NAALADL2: variants seen among roughly 807,000 people sequenced by gnomAD.
NAALADL2 encodes inactive N-acetylated-alpha-linked acidic dipeptidase-like protein 2.
Under a neutral mutation model 87.2 loss-of-function variants are expected in NAALADL2, and 76 were observed. That is an observed-to-expected ratio of 0.87 (90% CI 0.72 to 1.05). The LOEUF is 1.05. NAALADL2 is among the 50% of genes least tolerant of loss of function. NAALADL2 has a pLI of 0.00. For synonymous variants in NAALADL2, 354 were observed against 331.0 expected, an observed-to-expected ratio of 1.07 and a Z score of -0.75; for missense variants, 1,089 against 945.8, an observed-to-expected ratio of 1.15 and a Z score of -1.99.
At chr3:175,720,898 A>C (rs1178796431) in intron 11 of NAALADL2, among the ~76,000 whole-genome samples, 1 of 152,172 alleles carries the variant, frequency 6.6e-6, no homozygotes, top group East Asian at 1.9e-4. Context: ...ACAGGCTTTC[A>C]CTGAAAGAAC....
intron 13 of NAALADL2, among the ~76,000 whole-genome samples, chr3:175,799,347 A>G (rs1251465655): frequency 1.3e-5 from 2 of 152,118 alleles, no homozygotes; most frequent in Non-Finnish European, 2.9e-5. Context: ...CTGAATAATT[A>G]AAATATTTTT....
At chr3:174,450,276 G>A (rs1159891420) in intron 1 of NAALADL2, among the ~76,000 whole-genome samples, 2 of 152,210 alleles carry the variant, frequency 1.3e-5, no homozygotes, top group Non-Finnish European at 2.9e-5. Context: ...ATTGGGTGCT[G>A]CGCCTGAGGA....
At position 175,340,739 on chromosome 3, in the gene NAALADL2, G is replaced by A. The variant is rs541765065; in HGVS notation, c.1090+16414G>A. Among the ~76,000 whole-genome samples, 100 of 152,242 alleles carry A rather than the reference G, an allele frequency of 6.6e-4. 3 individuals are homozygous for A. The South Asian group carries it at 0.02, about 31-fold the overall frequency. On this transcript the variant is annotated intron_variant, in intron 5 of 13. Coordinates refer to ENST00000454872, the MANE Select transcript of NAALADL2 (RefSeq NM_207015.3). The stretch of plus-strand genomic sequence containing the variant: ...GATCATGGCTTCTTTCTTTCCTCAT[G>A]ATGTGTATCTGCTCCTTAAGAATGA...
chr3:175,290,149 C>T (rs1440085827), intron 4 of NAALADL2, among the ~76,000 whole-genome samples: 6 of 152,074 alleles, frequency 3.9e-5, no homozygotes, highest in Admixed American at 2.0e-4. Flanking sequence ...AACAGTTTGG[C>T]AATTTTAAAA....
chr3:175,609,902 C>G (rs1047416180), intron 10 of NAALADL2, among the ~76,000 whole-genome samples: 1 of 152,072 alleles, frequency 6.6e-6, no homozygotes, highest in African/African-American at 2.4e-5. Flanking sequence ...ACCAGTCTCT[C>G]AAAGTCTATC....
intron 2 of NAALADL2, among the ~76,000 whole-genome samples, chr3:174,703,561 C>A (rs373655378): frequency 1.3e-5 from 2 of 152,082 alleles, no homozygotes; most frequent in East Asian, 1.9e-4. Flanking sequence ...ATCATAGATG[C>A]CTCTGAAAGA....
At chr3:175,081,764 T>A (rs980902412) in intron 1 of NAALADL2, among the ~76,000 whole-genome samples, 7 of 152,218 alleles carry the variant, frequency 4.6e-5, no homozygotes, top group Non-Finnish European at 1.0e-4. Context: ...ACTTCCGAAC[T>A]GGTAAAGTGT....
intron 9 of NAALADL2, among the ~76,000 whole-genome samples, chr3:175,572,535 G>T (rs956477630): frequency 2.0e-5 from 3 of 152,104 alleles, no homozygotes; most frequent in Non-Finnish European, 2.9e-5. Flanking sequence ...AGAAGTGTTT[G>T]GGGGAGTGTA....
intron 2 of NAALADL2, among the ~76,000 whole-genome samples, chr3:174,689,400 T>A (rs1185623617): frequency 6.6e-6 from 1 of 151,668 alleles, no homozygotes; most frequent in Non-Finnish European, 1.5e-5. Flanking sequence ...GCTTCACCTT[T>A]TTTTTACCAG....
intron 11 of NAALADL2, among the ~76,000 whole-genome samples, chr3:175,693,928 A>G (rs1359460652): frequency 6.6e-6 from 1 of 152,050 alleles, no homozygotes; most frequent in Non-Finnish European, 1.5e-5. Flanking sequence ...CTCTTGACCT[A>G]GTGATTCATC....
chr3:174,689,863 G>T (rs1030738651), intron 2 of NAALADL2, among the ~76,000 whole-genome samples: 1 of 151,982 alleles, frequency 6.6e-6, no homozygotes, highest in Non-Finnish European at 1.5e-5. Context: ...CAAGAGTAAA[G>T]CTATTCATTA....
intron 11 of NAALADL2, among the ~76,000 whole-genome samples, chr3:175,664,446 T>A (rs2149820039): frequency 6.6e-6 from 1 of 152,244 alleles, no homozygotes; most frequent in East Asian, 1.9e-4. Flanking sequence ...GACTATTTTA[T>A]AAAAGCCAGT....
intron 4 of NAALADL2, among the ~76,000 whole-genome samples, chr3:175,317,076 G>C (rs1707533062): frequency 6.6e-6 from 1 of 152,020 alleles, no homozygotes; most frequent in South Asian, 2.1e-4. Context: ...GTAATCTCTA[G>C]CCAAAAATAG....
intron 11 of NAALADL2, among the ~76,000 whole-genome samples, chr3:175,640,591 T>G (rs1198638398): frequency 6.6e-6 from 1 of 152,152 alleles, no homozygotes; most frequent in African/African-American, 2.4e-5. Flanking sequence ...CATCATTATT[T>G]TACTCCACGA....
chr3:175,424,968 T>C (rs1716534052), intron 5 of NAALADL2, among the ~76,000 whole-genome samples: 1 of 152,156 alleles, frequency 6.6e-6, no homozygotes, highest in Non-Finnish European at 1.5e-5. Flanking sequence ...ATACAGCCAA[T>C]ACATGGTGGT....
intron 2 of NAALADL2, among the ~76,000 whole-genome samples, chr3:174,579,095 C>T (rs1715871374): frequency 1.3e-5 from 2 of 151,830 alleles, no homozygotes; most frequent in Admixed American, 6.6e-5. Context: ...GTGACAACAC[C>T]AAATGTTGGT....
At chr3:175,317,019 G>C (rs551073819) in intron 4 of NAALADL2, among the ~76,000 whole-genome samples, 31 of 152,258 alleles carry the variant, frequency 2.0e-4, no homozygotes, top group African/African-American at 7.2e-4. Flanking sequence ...AGTGGAAGAG[G>C]GAGCTAAATC....
In NAALADL2 at chr3:175,138,538, A is replaced by T. The variant is rs1385654017; in HGVS notation, c.545+41247A>T. 2.0e-5 allele frequency among the ~76,000 whole-genome samples: 3 copies of T among 151,972 alleles called. No individual in the cohort carries two copies. The East Asian group carries it at 5.8e-4, about 29-fold the overall frequency. On this transcript the variant is annotated intron_variant, in intron 2 of 13. Transcript: ENST00000454872. ...CACCTTAAGATTAATGTCAGTAATGATGAGATTTTTGCCACCAAATGAGTT... is the reference window on the plus strand; with the variant it reads ...CACCTTAAGATTAATGTCAGTAATGTTGAGATTTTTGCCACCAAATGAGTT...
intron 11 of NAALADL2, among the ~76,000 whole-genome samples, chr3:175,711,365 A>G (rs911223980): frequency 6.6e-6 from 1 of 151,892 alleles, no homozygotes; most frequent in Admixed American, 6.6e-5. Flanking sequence ...ACTTTGAGTC[A>G]TCATTCAAAG....
Sources: allele counts gnomAD v4.1 joint callset (sites outside exome capture counted in the v4.1 genomes callset), GRCh38; gene constraint gnomAD v4.1.1; transcripts MANE v1.5; gene names NCBI Gene and HGNC (gene_info 2026-07-23, HGNC 2026-07-21).